UTRN: variants seen among roughly 807,000 people sequenced by gnomAD.
The protein encoded by UTRN is dystrophin-related protein 1.
A neutral mutation model predicts 463.9 loss-of-function variants in UTRN; 283 were observed. That is an observed-to-expected ratio of 0.61 (90% CI 0.55 to 0.67). UTRN has a LOEUF of 0.67. Among genes scored for constraint, UTRN ranks in the 30% least tolerant of loss-of-function variants. UTRN has a pLI of 0.00. For missense variants in UTRN, 3,922 were observed against 4,084.3 expected, an observed-to-expected ratio of 0.96 and a Z score of 1.08; for synonymous variants, 1,442 against 1,431.5, an observed-to-expected ratio of 1.01 and a Z score of -0.17.
At chr6:144,470,588 G>A (rs899404194) in intron 23 of UTRN, among the ~76,000 whole-genome samples, 1 of 150,554 alleles carries the variant, frequency 6.6e-6, no homozygotes, top group Non-Finnish European at 1.5e-5. Flanking sequence ...CAGACTGGGC[G>A]GCCGGGCAGA....
chr6:144,423,935 G>T (rs779150624), intron 5 of UTRN, 51 bp from the exon 6 acceptor site: 1 of 1,572,590 alleles, frequency 6.4e-7, no homozygotes, highest in Non-Finnish European at 8.7e-7. Context: ...GTTCTGTGAA[G>T]AAATTGTCTT....
In UTRN at chr6:144,852,743, G is replaced by C. The variant is rs962653939; in HGVS notation, c.*1746G>C. Reference sequence around the variant, plus strand: ...CAATTCCCTGAGCTCTCAACTCCAAGTTGTAGATTTGGTGTCTTCCTTGTT... The same window carrying C: ...CAATTCCCTGAGCTCTCAACTCCAACTTGTAGATTTGGTGTCTTCCTTGTT... On this transcript the variant is annotated 3_prime_UTR_variant, in exon 75 of 75. Transcript: ENST00000367545. The C allele has an allele frequency of 6.6e-6, 1 of 152,532 alleles. No homozygotes were observed. Among genetic ancestry groups the C allele is most frequent in the Non-Finnish European group, 1.5e-5 (1 of 68,008 alleles). The allele number at this position is 152,532 out of a possible 1,614,324, so 9.4% of individuals were successfully genotyped here. A position where few individuals can be genotyped will look rare whatever the true frequency, so the allele number is the denominator to read the frequency against.
At chr6:144,690,505 A>G (rs941804578) in intron 52 of UTRN, among the ~76,000 whole-genome samples, 3 of 152,172 alleles carry the variant, frequency 2.0e-5, no homozygotes, top group African/African-American at 4.8e-5. Flanking sequence ...CTTTCAGGCC[A>G]TGCCCATCCT....
chr6:144,492,481 C>T lies in UTRN; in HGVS notation c.4438-820C>T, dbSNP rs764783656. On this transcript the variant is annotated intron_variant, in intron 32 of 74. Coordinates refer to ENST00000367545, the MANE Select transcript of UTRN (RefSeq NM_007124.3). ...ATTGTGTGTAGTGGTGTGATAAACA[C>T]GGGAGTGCATGTGTCCTTTTGGTAG... Among the ~76,000 whole-genome samples the T allele has an allele frequency of 7.2e-5, 11 of 152,218 alleles. 1 individual carries two copies. Among genetic ancestry groups the T allele is most frequent in the South Asian group, 2.1e-4 (1 of 4,820 alleles).
At chr6:144,341,516 A>G (rs1487532009) in intron 2 of UTRN, among the ~76,000 whole-genome samples, 1 of 152,168 alleles carries the variant, frequency 6.6e-6, no homozygotes, top group Non-Finnish European at 1.5e-5. Context: ...TGCACTTTTG[A>G]GAGGGAAGGA....
intron 2 of UTRN, among the ~76,000 whole-genome samples, chr6:144,314,799 G>C (rs769857331): frequency 3.3e-5 from 5 of 152,140 alleles, no homozygotes; most frequent in Admixed American, 6.5e-5. Flanking sequence ...TTGGTTTCCA[G>C]AGCTTTTCAG....
intron 3 of UTRN, among the ~76,000 whole-genome samples, chr6:144,416,584 A>C (rs1022944185): frequency 6.6e-6 from 1 of 152,208 alleles, no homozygotes; most frequent in African/African-American, 2.4e-5. Flanking sequence ...GTAGTGTCCC[A>C]GCCGCAAGCA....
intron 23 of UTRN, among the ~76,000 whole-genome samples, chr6:144,469,949 C>T (rs921632285): frequency 6.6e-6 from 1 of 152,118 alleles, no homozygotes; most frequent in African/African-American, 2.4e-5. Flanking sequence ...CAAAGCACAT[C>T]TTGCACCGCC....
At chr6:144,528,295 C>T (rs1489698979) in intron 41 of UTRN, among the ~76,000 whole-genome samples, 2 of 152,190 alleles carry the variant, frequency 1.3e-5, no homozygotes, top group African/African-American at 4.8e-5. Flanking sequence ...CTTGGCCTCC[C>T]AAGTTGCTGG....
chr6:144,418,682 T>A (rs983597488), intron 3 of UTRN, among the ~76,000 whole-genome samples: 1 of 151,982 alleles, frequency 6.6e-6, no homozygotes, highest in African/African-American at 2.4e-5. Context: ...GTCTCCCAAG[T>A]AGCTGGGATT....
chr6:144,688,388 T>C (rs1253494862), intron 52 of UTRN, among the ~76,000 whole-genome samples: 1 of 152,210 alleles, frequency 6.6e-6, no homozygotes, highest in Non-Finnish European at 1.5e-5. Flanking sequence ...TTCATATTGA[T>C]TTGGATTTAT....
chr6:144,635,647 C>A (rs1777099368), intron 51 of UTRN, among the ~76,000 whole-genome samples: 1 of 148,926 alleles, frequency 6.7e-6, no homozygotes, highest in African/African-American at 2.5e-5. Context: ...TCATGAGATC[C>A]TCCCACCTCA....
intron 15 of UTRN, 42 bp downstream of exon 15, chr6:144,447,360 A>G: frequency 1.9e-6 from 3 of 1,575,218 alleles, no homozygotes; most frequent in Middle Eastern, 3.3e-4. Context: ...TAAGCCTATG[A>G]TATCTTAATG....
At chr6:144,721,233 A>T (rs1787118286) in intron 53 of UTRN, among the ~76,000 whole-genome samples, 1 of 152,146 alleles carries the variant, frequency 6.6e-6, no homozygotes, top group African/African-American at 2.4e-5. Flanking sequence ...TTGTTTTGAG[A>T]CAGTGTCTTG....
chr6:144,585,395 A>T (rs1028267979), intron 51 of UTRN, among the ~76,000 whole-genome samples: 1 of 152,150 alleles, frequency 6.6e-6, no homozygotes, highest in African/African-American at 2.4e-5. Context: ...TGAGAAATGT[A>T]CAATTCCAGT....
intron 2 of UTRN, among the ~76,000 whole-genome samples, chr6:144,345,872 AC>A (rs1777521470): frequency 6.6e-6 from 1 of 152,058 alleles, no homozygotes; most frequent in Non-Finnish European, 1.5e-5. Flanking sequence ...GTACAAACAA[AC>A]CTTTAAATAA....
chr6:144,319,467 T>C (rs552833595), intron 2 of UTRN, among the ~76,000 whole-genome samples: 1 of 152,402 alleles, frequency 6.6e-6, no homozygotes, highest in East Asian at 1.9e-4. Context: ...CCTGTCGTCA[T>C]GATCACTTCT....
chr6:144,477,446 TA>T (rs1442099027), intron 25 of UTRN, among the ~76,000 whole-genome samples: 1 of 152,128 alleles, frequency 6.6e-6, no homozygotes, highest in African/African-American at 2.4e-5. Context: ...TAAAGAATGA[TA>T]AAAAGGAACA....
chr6:144,599,878 C>G (rs948986052), intron 51 of UTRN, among the ~76,000 whole-genome samples: 2 of 152,168 alleles, frequency 1.3e-5, no homozygotes, highest in East Asian at 1.9e-4. Context: ...TTGTGGCAAC[C>G]CTCTGTGAAA....
Sources: allele counts gnomAD v4.1 joint callset (sites outside exome capture counted in the v4.1 genomes callset), GRCh38; gene constraint gnomAD v4.1.1; transcripts MANE v1.5; gene names NCBI Gene and HGNC (gene_info 2026-07-23, HGNC 2026-07-21).